The following DPYS variants were observed in gnomAD, a reference collection of about 807,000 sequenced individuals.
DPYS encodes the protein dihydropyrimidine amidohydrolase.
In DPYS, 39 loss-of-function variants were observed where a neutral mutation model predicts 50.3. That is an observed-to-expected ratio of 0.78 (90% CI 0.60 to 1.01). The LOEUF is 1.01. DPYS is among the 50% of genes least tolerant of loss of function. The pLI is 0.00. For synonymous variants in DPYS, 245 were observed against 250.7 expected, an observed-to-expected ratio of 0.98 and a Z score of 0.22; for missense variants, 659 against 680.9, an observed-to-expected ratio of 0.97 and a Z score of 0.36.
chr8:104,445,208 T>C (rs1813486425), intron 3 of DPYS, among the ~76,000 whole-genome samples: 1 of 152,184 alleles, frequency 6.6e-6, no homozygotes, highest in African/African-American at 2.4e-5. Context: ...AGTTTGGAAG[T>C]TCTTCAAAAG....
At chr8:104,381,050 C>T in intron 9 of DPYS, 134 bp downstream of exon 9, 1 of 761,866 alleles carries the variant, frequency 1.3e-6, no homozygotes, top group Non-Finnish European at 2.3e-6. Flanking sequence ...GATCAATCTT[C>T]CCTTGGCTCA....
In DPYS at chr8:104,451,232, T is replaced by C. The variant is rs1813724954; in HGVS notation, c.423+14A>G. On this transcript the variant is annotated intron_variant, in intron 2 of 9. Transcript: ENST00000351513. ...AGAGGACAATGGGAACACATTGAAATCCAGGTGCTTTACCTGGTCACTCCA... is the reference window on the plus strand; with the variant it reads ...AGAGGACAATGGGAACACATTGAAACCCAGGTGCTTTACCTGGTCACTCCA... The C allele has an allele frequency of 1.2e-6, 2 of 1,613,544 alleles. No homozygotes were observed. The highest frequency in any genetic ancestry group is 1.7e-6 in the Non-Finnish European group (2 of 1,179,988).
intron 1 of DPYS, among the ~76,000 whole-genome samples, chr8:104,460,314 G>T (rs896650478): frequency 6.6e-6 from 1 of 152,062 alleles, no homozygotes; most frequent in Non-Finnish European, 1.5e-5. Flanking sequence ...CCCCCTTGTC[G>T]ATCTCATGAG....
intron 9 of DPYS, chr8:104,380,964 A>C (rs2140495432): frequency 2.0e-6 from 1 of 491,858 alleles, no homozygotes; most frequent in Middle Eastern, 5.7e-4. Context: ...AATGTTTCCT[A>C]ACATCTTAAA....
intron 1 of DPYS, among the ~76,000 whole-genome samples, chr8:104,454,748 T>C (rs1276247892): frequency 1.3e-5 from 2 of 152,144 alleles, no homozygotes; most frequent in Non-Finnish European, 2.9e-5. Context: ...TTTGCTAAGC[T>C]CCCTAGAAGA....
intron 9 of DPYS, chr8:104,380,724 T>C (rs1811003698): frequency 6.2e-6 from 1 of 160,126 alleles, no homozygotes; most frequent in Non-Finnish European, 1.4e-5. Flanking sequence ...CAAAGAATTT[T>C]TCTGAAGGAT....
At chr8:104,402,641 T>A (rs1295712982) in intron 7 of DPYS, among the ~76,000 whole-genome samples, 1 of 152,214 alleles carries the variant, frequency 6.6e-6, no homozygotes, top group Non-Finnish European at 1.5e-5. Context: ...GGAAAAGATG[T>A]CAGTTTCCTA....
Position 104,466,758 on chromosome 8 carries a change from C to G in DPYS, c.163G>C (p.Ala55Pro). ...CCTCCGGGCAGGACGAGCTTGCCGG[C>G]GGCGTCGAGGACCCGCAGCCCCGCA... ...APAGLRVLDA[A>P]GKLVLPGGID... The change falls in exon 1 of 10, where the codon GCC (alanine) becomes CCC (proline). Residue 55 changes from alanine to proline, a missense_variant. Coordinates refer to ENST00000351513, the MANE Select transcript of DPYS (RefSeq NM_001385.3). 6.5e-7 allele frequency: 1 copy of G among 1,534,778 alleles called. No homozygotes were observed. The highest frequency in any genetic ancestry group is 2.0e-5 in the Admixed American group (1 of 50,770).
At chr8:104,412,873 A>G (rs149803243) in intron 7 of DPYS, among the ~76,000 whole-genome samples, 13 of 152,298 alleles carry the variant, frequency 8.5e-5, no homozygotes, top group Non-Finnish European at 1.8e-4. Flanking sequence ...ACCACCTACT[A>G]TGTCTCTGGC....
In DPYS at chr8:104,443,256, A is replaced by C. The variant is rs1813413006; in HGVS notation, c.793+992T>G. ...TCTACCAGTATTGGCAAAAGAGTGA[A>C]ATCATTTCTTTGCCCAGTGCTTATC... On this transcript the variant is annotated intron_variant, in intron 4 of 9. Transcript: ENST00000351513. Among the ~76,000 whole-genome samples the C allele has an allele frequency of 3.9e-5, 6 of 152,288 alleles. No individual in the cohort carries two copies. The South Asian group carries it at 1.2e-3, about 32-fold the overall frequency.
chr8:104,408,099 G>A (rs1283481898), intron 7 of DPYS, among the ~76,000 whole-genome samples: 3 of 152,224 alleles, frequency 2.0e-5, no homozygotes. Flanking sequence ...ATACAGCAGT[G>A]AACAAAGATA....
At chr8:104,422,175 T>C (rs1334438623) in intron 7 of DPYS, among the ~76,000 whole-genome samples, 1 of 152,206 alleles carries the variant, frequency 6.6e-6, no homozygotes, top group Non-Finnish European at 1.5e-5. Flanking sequence ...GCACATCAAA[T>C]GGCCTCCTGA....
chr8:104,449,325 C>T (rs1335481968), intron 2 of DPYS, among the ~76,000 whole-genome samples: 1 of 152,210 alleles, frequency 6.6e-6, no homozygotes, highest in African/African-American at 2.4e-5. Flanking sequence ...CTTTTGCTCC[C>T]TGAGTAGAAG....
chr8:104,418,132 G>C (rs1175058871), intron 7 of DPYS, among the ~76,000 whole-genome samples: 1 of 152,204 alleles, frequency 6.6e-6, no homozygotes, highest in East Asian at 1.9e-4. Flanking sequence ...CCGTTCTCCA[G>C]AGGCTGGCTT....
intron 4 of DPYS, among the ~76,000 whole-genome samples, chr8:104,437,791 G>A (rs1417943469): frequency 3.3e-5 from 5 of 152,104 alleles, no homozygotes; most frequent in Non-Finnish European, 5.9e-5. Context: ...CCCTCTATTG[G>A]GGTCTGGACT....
At chr8:104,444,470 AG>A in intron 3 of DPYS, 33 bp from the exon 4 acceptor site, 1 of 1,612,616 alleles carries the variant, frequency 6.2e-7, no homozygotes, top group Non-Finnish European at 8.5e-7. Flanking sequence ...TATATGTGCA[AG>A]GAAGGTTTAC....
chr8:104,431,173 G>T (rs982421891), intron 4 of DPYS, among the ~76,000 whole-genome samples: 21 of 152,120 alleles, frequency 1.4e-4, no homozygotes, highest in African/African-American at 4.8e-4. Context: ...ATTGAGGAAA[G>T]ATCCTTATCA....
intron 1 of DPYS, among the ~76,000 whole-genome samples, chr8:104,459,788 A>C (rs1454532757): frequency 6.6e-6 from 1 of 152,190 alleles, no homozygotes; most frequent in African/African-American, 2.4e-5. Flanking sequence ...GGAAGCTGAC[A>C]CCATACCTAA....
chr8:104,428,215 C>T, intron 5 of DPYS, 94 bp from the exon 6 acceptor site: 1 of 1,551,736 alleles, frequency 6.4e-7, no homozygotes, highest in Non-Finnish European at 8.9e-7. Context: ...TGGCTCCCTT[C>T]TCAATTGAAG....
Sources: gnomAD v4.1 joint callset for allele counts (sites outside exome capture counted in the v4.1 genomes callset) on GRCh38, gnomAD v4.1.1 for gene constraint, MANE v1.5 for transcripts, NCBI Gene and HGNC (gene_info 2026-07-23, HGNC 2026-07-21) for gene names.